Variants in MKKS observed in about 807,000 individuals in gnomAD.
MKKS encodes MKKS centrosomal shuttling protein, also known as molecular chaperone MKKS.
In MKKS, 29 loss-of-function variants were observed where a neutral mutation model predicts 33.2. The ratio of observed to expected loss-of-function variants is 0.87; its 90% CI spans 0.65 to 1.19. MKKS has a LOEUF of 1.19. MKKS is among the 50% of genes most tolerant of loss of function. The pLI is 0.00. For synonymous variants in MKKS, 260 were observed against 244.0 expected (o/e 1.07, Z -0.61); for missense variants, 661 against 662.3 (o/e 1.00, Z 0.02).
At chr20:10,433,028 A>G (rs936445570) in intron 1 of MKKS, among the ~76,000 whole-genome samples, 59 of 152,194 alleles carry the variant, frequency 3.9e-4, no homozygotes, top group African/African-American at 1.4e-3. Flanking sequence ...TATTTTCTTA[A>G]ATAGAGTCTC....
chr20:10,407,956 G>GT (rs999770104), intron 4 of MKKS, among the ~76,000 whole-genome samples: 13 of 152,134 alleles, frequency 8.5e-5, no homozygotes, highest in African/African-American at 3.1e-4. Context: ...AGCCAGATTA[G>GT]TATTTTCTTT....
At chr20:10,430,507 T>C (rs1331423734) in intron 1 of MKKS, among the ~76,000 whole-genome samples, 1 of 152,234 alleles carries the variant, frequency 6.6e-6, no homozygotes, top group Admixed American at 6.5e-5. Flanking sequence ...ACCTGTAGTA[T>C]AGCAAGAACT....
intron 5 of MKKS, 136 bp from the exon 6 acceptor site, chr20:10,405,823 T>C (rs1286390545): frequency 6.7e-5 from 62 of 923,304 alleles, no homozygotes; most frequent in Non-Finnish European, 1.7e-5. Flanking sequence ...TCTGGCACAA[T>C]GCTAACGGGC....
At chr20:10,433,489 C>T (rs762456823) in intron 1 of MKKS, among the ~76,000 whole-genome samples, 11 of 152,164 alleles carry the variant, frequency 7.2e-5, no homozygotes, top group Non-Finnish European at 1.3e-4. Flanking sequence ...TATGGATAAA[C>T]TGAAGATGTT....
chr20:10,428,854 T>C (rs1237934594), intron 1 of MKKS, among the ~76,000 whole-genome samples: 1 of 151,954 alleles, frequency 6.6e-6, no homozygotes. Context: ...AATAAATAAA[T>C]AAATAAATAA....
Position 10,412,757 on chromosome 20 carries a change from G to C in MKKS, c.758C>G (p.Ser253Cys). ...LFCTTLSGDT[S>C]DTGEGTVVVS... is the part of the protein sequence containing the mutation. ...CACCACAGTTCCTTCTCCAGTGTCAGAAGTGTCTCCGGATAAAGTTGTACA... is the reference window on the plus strand; with the variant it reads ...CACCACAGTTCCTTCTCCAGTGTCACAAGTGTCTCCGGATAAAGTTGTACA... The change falls in exon 3 of 6, where the codon TCT (serine) becomes TGT (cysteine). Residue 253 changes from serine (S) to cysteine (C), a missense_variant. Ser to Cys is a moderately radical substitution (Grantham distance 112). Coordinates refer to ENST00000347364, the MANE Select transcript of MKKS (RefSeq NM_170784.3). 1 of 1,614,172 alleles carries C rather than the reference G, an allele frequency of 6.2e-7. No individual in the cohort carries two copies. Among genetic ancestry groups the C allele is most frequent in the South Asian group, 1.1e-5 (1 of 91,084 alleles).
intron 2 of MKKS, among the ~76,000 whole-genome samples, chr20:10,417,054 C>A (rs2064944223): frequency 6.6e-6 from 1 of 151,952 alleles, no homozygotes; most frequent in African/African-American, 2.4e-5. Flanking sequence ...TAAAAGATCA[C>A]CTGGCCAACA....
intron 2 of MKKS, among the ~76,000 whole-genome samples, chr20:10,419,439 A>G (rs1450726614): frequency 6.6e-6 from 1 of 152,198 alleles, no homozygotes; most frequent in Non-Finnish European, 1.5e-5. Flanking sequence ...AAATTTCTGC[A>G]GTGAAACTCA....
intron 1 of MKKS, among the ~76,000 whole-genome samples, chr20:10,433,118 C>T (rs2065066186): frequency 2.0e-5 from 3 of 152,248 alleles, no homozygotes; most frequent in South Asian, 4.1e-4. Context: ...ATTCTCCTGC[C>T]TCAACCTCCC....
chr20:10,431,037 G>A (rs1173499650), intron 1 of MKKS, among the ~76,000 whole-genome samples: 1 of 152,090 alleles, frequency 6.6e-6, no homozygotes, highest in Non-Finnish European at 1.5e-5. Context: ...TCTGAAATAG[G>A]GGGCCACATT....
intron 4 of MKKS, 25 bp downstream of exon 4, chr20:10,408,603 A>T (rs1217882347): frequency 6.2e-7 from 1 of 1,611,034 alleles, no homozygotes; most frequent in African/African-American, 1.3e-5. Context: ...GCCTCTGCAT[A>T]TGGAATTCAA....
At chr20:10,426,623 C>T (rs1292037320) in intron 1 of MKKS, among the ~76,000 whole-genome samples, 1 of 152,184 alleles carries the variant, frequency 6.6e-6, no homozygotes, top group Non-Finnish European at 1.5e-5. Context: ...GGTCTCAACT[C>T]CTGGCCTCAA....
rs958643045 is a variant in MKKS at position 10,422,499 on chromosome 20, G to A, written c.-648-1741C>T. ...AACTGGGGGAGGAATTTAGAGTAAG[G>A]AGGGAAGAATTCTATTAAGGGCTAC... is the stretch of plus-strand genomic sequence containing the variant. On this transcript the variant is annotated intron_variant, in intron 1 of 5. Coordinates refer to ENST00000347364, the MANE Select transcript of MKKS (RefSeq NM_170784.3). Among the ~76,000 whole-genome samples the A allele has an allele frequency of 3.9e-5, 6 of 152,232 alleles. No individual in the cohort carries two copies. In the East Asian group the frequency reaches 1.2e-3, roughly 29 times the overall value.
rs2064816958 is a variant in MKKS, at chr20:10,402,713, C to T, written c.*2534G>A. ...AGGGCAAAGAGAACCAGGACAATAC[C>T]CAACTCCTATGTGACACATTGTAAA... is the stretch of plus-strand genomic sequence containing the variant. On this transcript the variant is annotated 3_prime_UTR_variant, in exon 6 of 6. Coordinates refer to ENST00000347364, the MANE Select transcript of MKKS (RefSeq NM_170784.3). 1 of 152,094 alleles carries T rather than the reference C, an allele frequency of 6.6e-6. No individual in the cohort carries two copies. The highest frequency in any genetic ancestry group is 6.5e-5 in the Admixed American group (1 of 15,282). The allele number at this position is 152,094 out of a possible 1,614,324, so 9.4% of individuals were successfully genotyped here.
chr20:10,413,364 C>T lies in MKKS; in HGVS notation c.151G>A (p.Gly51Arg), dbSNP rs2064910550. The T allele has an allele frequency of 6.2e-7, 1 of 1,613,452 alleles. No homozygotes were observed. Among genetic ancestry groups the T allele is most frequent in the African/African-American group, 1.3e-5 (1 of 74,892 alleles). ...TGTGAGGTTGTACACACGTAACCTC[C>T]AAAGCCATTGTGCAGCTGCTTCAGC... ...GRLKQLHNGF[G>R]GYVCTTSQSS... is the part of the protein sequence containing the mutation. Residue 51 changes from glycine (G) to arginine (R), a missense_variant, in exon 3 of 6, where the codon GGA (glycine) becomes AGA (arginine). Physicochemically the swap from Gly to Arg is moderately radical, Grantham distance 125 (BLOSUM62 -2). Transcript: ENST00000347364.
chr20:10,414,794 A>C (rs1337574885), intron 2 of MKKS, among the ~76,000 whole-genome samples: 2 of 152,264 alleles, frequency 1.3e-5, no homozygotes, highest in East Asian at 1.9e-4. Flanking sequence ...AATTCTGCAC[A>C]ACACATTGTA....
At chr20:10,422,478 G>A (rs2064987306) in intron 1 of MKKS, among the ~76,000 whole-genome samples, 1 of 152,072 alleles carries the variant, frequency 6.6e-6, no homozygotes, top group Admixed American at 6.6e-5. Flanking sequence ...TAAAATAACT[G>A]GGGGAGGAAT....
intron 1 of MKKS, among the ~76,000 whole-genome samples, chr20:10,426,163 T>C (rs2065013101): frequency 6.6e-6 from 1 of 152,240 alleles, no homozygotes; most frequent in African/African-American, 2.4e-5. Context: ...AAACATTAAA[T>C]GATTGATTCT....
Position 10,413,932 on chromosome 20 carries a change from C to G in MKKS, c.-417-1G>C. Reference sequence around the variant, plus strand: ...CTCAGATTCAAAGCTGCTTCTTTACCTAATAAATAATAAAAAAAACATTTT... The same window carrying G: ...CTCAGATTCAAAGCTGCTTCTTTACGTAATAAATAATAAAAAAAACATTTT... On this transcript the variant is annotated splice_acceptor_variant, in intron 2 of 5. Transcript: ENST00000347364. LOFTEE classifies it low-confidence loss of function (5UTR_SPLICE). 1 of 407,184 alleles carries G rather than the reference C, an allele frequency of 2.5e-6. No individual in the cohort carries two copies. The highest frequency in any genetic ancestry group is 1.1e-4 in the South Asian group (1 of 8,908). 25.2% of individuals were successfully genotyped at this position (407,184 alleles called of 1,614,324 possible).
Sources: allele counts gnomAD v4.1 joint callset (sites outside exome capture counted in the v4.1 genomes callset), GRCh38; gene constraint gnomAD v4.1.1; transcripts MANE v1.5; gene names NCBI Gene and HGNC (gene_info 2026-07-23, HGNC 2026-07-21).